Variants in GRM1 observed in about 807,000 individuals in gnomAD.
The protein encoded by GRM1 is glutamate metabotropic receptor 1, also known as metabotropic glutamate receptor 1.
In GRM1, 33 loss-of-function variants were observed where a neutral mutation model predicts 90.9. The ratio of observed to expected loss-of-function variants is 0.36; its 90% CI spans 0.28 to 0.49. The LOEUF is 0.49. Among genes scored for constraint, GRM1 ranks in the 20% least tolerant of loss-of-function variants. GRM1 has a pLI of 0.99. For synonymous variants in GRM1, 700 were observed against 613.2 expected, an observed-to-expected ratio of 1.14 and a Z score of -2.09; for missense variants, 1,190 against 1,534.3, an observed-to-expected ratio of 0.78 and a Z score of 3.75.
chr6:146,368,490 T>C (rs1223788435), intron 5 of GRM1, among the ~76,000 whole-genome samples: 10 of 152,134 alleles, frequency 6.6e-5, no homozygotes. Flanking sequence ...CCCTATTCAG[T>C]AAAATGTCAG....
chr6:146,374,529 C>T (rs142013317), intron 5 of GRM1, among the ~76,000 whole-genome samples: 108 of 152,126 alleles, frequency 7.1e-4, no homozygotes, highest in African/African-American at 2.4e-3. Flanking sequence ...CGTTTTATTA[C>T]GGCTTCAATC....
intron 2 of GRM1, among the ~76,000 whole-genome samples, chr6:146,209,040 C>T (rs901464040): frequency 3.3e-5 from 5 of 152,066 alleles, no homozygotes; most frequent in African/African-American, 1.2e-4. Context: ...ATATTTATTA[C>T]TCTATTCCTG....
At chr6:146,095,971 T>C (rs139472555) in intron 1 of GRM1, among the ~76,000 whole-genome samples, 3 of 152,246 alleles carry the variant, frequency 2.0e-5, no homozygotes, top group East Asian at 3.9e-4. Context: ...GGCTCTCTTC[T>C]CCTCTTTCCT....
At chr6:146,426,871 A>G (rs958785493) in intron 7 of GRM1, among the ~76,000 whole-genome samples, 1 of 148,128 alleles carries the variant, frequency 6.8e-6, no homozygotes, top group African/African-American at 2.5e-5. Flanking sequence ...TTGATGCACT[A>G]TTTTTTTTTT....
At chr6:146,210,010 A>G (rs1779634371) in intron 2 of GRM1, among the ~76,000 whole-genome samples, 1 of 152,204 alleles carries the variant, frequency 6.6e-6, no homozygotes, top group Non-Finnish European at 1.5e-5. Context: ...ACAAAGAACA[A>G]CCATGCTATA....
intron 2 of GRM1, among the ~76,000 whole-genome samples, chr6:146,295,481 C>G (rs1783144823): frequency 6.6e-6 from 1 of 151,966 alleles, no homozygotes; most frequent in Admixed American, 6.6e-5. Flanking sequence ...GATCTGCACA[C>G]CTCAGCCTCC....
chr6:146,382,433 GTTGA>G (rs1262887269), intron 5 of GRM1, among the ~76,000 whole-genome samples: 1 of 151,658 alleles, frequency 6.6e-6, no homozygotes, highest in African/African-American at 2.4e-5. Context: ...CTATATTTTT[GTTGA>G]TTAAGAGTTC....
At chr6:146,144,396 G>T (rs957913567) in intron 1 of GRM1, among the ~76,000 whole-genome samples, 1 of 152,244 alleles carries the variant, frequency 6.6e-6, no homozygotes, top group East Asian at 1.9e-4. Flanking sequence ...GGAACTTGTG[G>T]CTTTATAGAA....
intron 3 of GRM1, among the ~76,000 whole-genome samples, chr6:146,350,185 A>G (rs1785351448): frequency 6.6e-6 from 1 of 152,272 alleles, no homozygotes; most frequent in African/African-American, 2.4e-5. Flanking sequence ...CACTGGCTTA[A>G]GAAATTTGTA....
chr6:146,380,609 C>G (rs947405238), intron 5 of GRM1, among the ~76,000 whole-genome samples: 1 of 152,048 alleles, frequency 6.6e-6, no homozygotes, highest in African/African-American at 2.4e-5. Flanking sequence ...AATCAAGGAC[C>G]CAGGAGCCCA....
At chr6:146,372,612 A>T (rs1775944202) in intron 5 of GRM1, among the ~76,000 whole-genome samples, 1 of 152,044 alleles carries the variant, frequency 6.6e-6, no homozygotes, top group South Asian at 2.1e-4. Context: ...TTAAGTCTTT[A>T]ATTGATATTT....
intron 1 of GRM1, among the ~76,000 whole-genome samples, chr6:146,117,796 A>T (rs919283136): frequency 5.9e-5 from 9 of 151,986 alleles, no homozygotes; most frequent in African/African-American, 2.2e-4. Context: ...TAACATATTT[A>T]TTTTCCTTTC....
chr6:146,070,289 G>A (rs1775980851), intron 1 of GRM1, among the ~76,000 whole-genome samples: 1 of 152,006 alleles, frequency 6.6e-6, no homozygotes, highest in Admixed American at 6.6e-5. Flanking sequence ...GAATATAAGT[G>A]AGAGAATTAC....
intron 2 of GRM1, among the ~76,000 whole-genome samples, chr6:146,282,770 G>A (rs997617553): frequency 5.3e-5 from 8 of 152,170 alleles, no homozygotes; most frequent in Non-Finnish European, 1.2e-4. Context: ...GATGTAAAAT[G>A]TTAGGTCTCA....
chr6:146,043,746 A>G (rs1490324979), intron 1 of GRM1, among the ~76,000 whole-genome samples: 1 of 146,276 alleles, frequency 6.8e-6, no homozygotes, highest in Non-Finnish European at 1.5e-5. Context: ...TTATAATTGT[A>G]AAATATCTCA....
At chr6:146,041,097 T>A (rs1562422283) in intron 1 of GRM1, among the ~76,000 whole-genome samples, 1 of 152,060 alleles carries the variant, frequency 6.6e-6, no homozygotes, top group Non-Finnish European at 1.5e-5. Flanking sequence ...TGTTTAACTT[T>A]GTAAATTAAT....
chr6:146,292,705 T>C (rs1012002038), intron 2 of GRM1, among the ~76,000 whole-genome samples: 3 of 151,932 alleles, frequency 2.0e-5, no homozygotes, highest in Admixed American at 6.6e-5. Flanking sequence ...GAAAACAGTT[T>C]GGTAGTTCCA....
intron 3 of GRM1, among the ~76,000 whole-genome samples, chr6:146,336,895 G>T (rs1784789104): frequency 6.6e-6 from 1 of 152,196 alleles, no homozygotes; most frequent in Non-Finnish European, 1.5e-5. Flanking sequence ...GTGATGTCCT[G>T]CCCTGGGGCC....
intron 2 of GRM1, among the ~76,000 whole-genome samples, chr6:146,270,957 C>CCTTCCT (rs1782132306): frequency 2.2e-5 from 2 of 92,374 alleles, no homozygotes; most frequent in African/African-American, 1.4e-4. Context: ...TCCTTCCTTT[C>CCTTCCT]TTTCTTTCTT....
Sources: gnomAD v4.1 joint callset for allele counts (sites outside exome capture counted in the v4.1 genomes callset) on GRCh38, gnomAD v4.1.1 for gene constraint, MANE v1.5 for transcripts, NCBI Gene and HGNC (gene_info 2026-07-23, HGNC 2026-07-21) for gene names.